NARS2: variants seen among roughly 807,000 people sequenced by gnomAD.
NARS2 encodes asparaginyl-tRNA synthetase 2, mitochondrial.
A neutral mutation model predicts 62.9 loss-of-function variants in NARS2; 60 were observed. The observed-to-expected ratio is 0.95, with a 90% CI of 0.77 to 1.18. NARS2 has a LOEUF of 1.18. Among genes scored for constraint, NARS2 ranks in the 50% most tolerant of loss-of-function variants. The pLI is 0.00. For missense variants in NARS2, 619 were observed against 576.4 expected (o/e 1.07, Z -0.76); for synonymous variants, 196 against 200.0 (o/e 0.98, Z 0.17).
chr11:78,478,761 G>A (rs577658959), intron 7 of NARS2, 78 bp from the exon 8 acceptor site: 27 of 730,190 alleles, frequency 3.7e-5, no homozygotes, highest in African/African-American at 2.2e-4. Context: ...AATAAGGACC[G>A]CATTCCAGGC....
In NARS2 at chr11:78,469,234, C is replaced by G; in HGVS notation, c.1026+13G>C. 6.3e-7 allele frequency: 1 copy of G among 1,580,232 alleles called. No homozygotes were observed. The highest frequency in any genetic ancestry group is 8.7e-7 in the Non-Finnish European group (1 of 1,149,354). On this transcript the variant is annotated intron_variant, in intron 10 of 13. Coordinates refer to ENST00000281038, the MANE Select transcript of NARS2 (RefSeq NM_024678.6). ...TTTCACACACACATATATACATACA[C>G]ACAAAATACTACCTCTGGGGTAAAG...
chr11:78,459,031 T>C (rs879309030), intron 11 of NARS2, among the ~76,000 whole-genome samples: 1 of 151,894 alleles, frequency 6.6e-6, no homozygotes, highest in African/African-American at 2.4e-5. Flanking sequence ...AATTCTCCTG[T>C]CTCAGCCTCC....
At chr11:78,537,738 C>T (rs765490919) in intron 5 of NARS2, among the ~76,000 whole-genome samples, 5 of 152,318 alleles carry the variant, frequency 3.3e-5, no homozygotes, top group East Asian at 3.9e-4. Flanking sequence ...TTCAAGGCGG[C>T]AGCAAGCCGT....
intron 11 of NARS2, among the ~76,000 whole-genome samples, chr11:78,455,229 C>T (rs1858116572): frequency 6.6e-6 from 1 of 152,202 alleles, no homozygotes; most frequent in Non-Finnish European, 1.5e-5. Context: ...ATAATTGTTC[C>T]TATCTTGTCT....
At chr11:78,509,960 C>T (rs191653685) in intron 6 of NARS2, among the ~76,000 whole-genome samples, 148 of 151,430 alleles carry the variant, frequency 9.8e-4, no homozygotes, top group African/African-American at 3.0e-3. Flanking sequence ...TCCATGGTAA[C>T]GACAAAGAAA....
chr11:78,502,527 A>G (rs1860319330), intron 6 of NARS2, among the ~76,000 whole-genome samples: 1 of 152,198 alleles, frequency 6.6e-6, no homozygotes, highest in Non-Finnish European at 1.5e-5. Flanking sequence ...CAACATATGA[A>G]TCCTAGGGGA....
At chr11:78,462,541 T>C (rs1015682923) in intron 11 of NARS2, among the ~76,000 whole-genome samples, 2 of 152,312 alleles carry the variant, frequency 1.3e-5, no homozygotes, top group African/African-American at 2.4e-5. Flanking sequence ...TAAAACAGTC[T>C]GCAGTCTAGA....
At chr11:78,547,664 C>T (rs1855934059) in intron 5 of NARS2, among the ~76,000 whole-genome samples, 2 of 152,014 alleles carry the variant, frequency 1.3e-5, no homozygotes, top group South Asian at 2.1e-4. Context: ...AAAACTCTGA[C>T]TCTACTAAAA....
intron 5 of NARS2, among the ~76,000 whole-genome samples, chr11:78,533,897 C>T (rs1403501212): frequency 1.3e-5 from 2 of 152,160 alleles, no homozygotes; most frequent in Non-Finnish European, 2.9e-5. Flanking sequence ...TTAAATCATA[C>T]AATATGTAGC....
chr11:78,569,512 C>T (rs1351201978), intron 2 of NARS2, among the ~76,000 whole-genome samples: 1 of 152,112 alleles, frequency 6.6e-6, no homozygotes, highest in East Asian at 1.9e-4. Context: ...AAGTGCCTTC[C>T]TAATAAACTA....
At chr11:78,458,552 T>G (rs1858257099) in intron 11 of NARS2, among the ~76,000 whole-genome samples, 1 of 152,184 alleles carries the variant, frequency 6.6e-6, no homozygotes, top group Non-Finnish European at 1.5e-5. Context: ...TCCTTTATGC[T>G]ATGTTGCTAC....
chr11:78,507,610 C>T (rs919127190), intron 6 of NARS2, among the ~76,000 whole-genome samples: 1 of 151,458 alleles, frequency 6.6e-6, no homozygotes, highest in Non-Finnish European at 1.5e-5. Flanking sequence ...AACTCCGCCT[C>T]CCGGGTTCAC....
rs772632763 is a variant in NARS2, at chr11:78,574,390, A to G, written c.99T>C (p.Ala33=). The G allele has an allele frequency of 3.1e-6, 5 of 1,614,166 alleles. No individual in the cohort carries two copies. The highest frequency in any genetic ancestry group is 3.4e-6 in the Non-Finnish European group (4 of 1,180,040). The part of the protein sequence containing the change: ...KPSAKLSVRD[A]LGAQNASGER... ...CCCCACTCGCGTTCTGAGCCCCGAG[A>G]GCGTCCCGCACGCTCAGTTTGGCTG... is the stretch of plus-strand genomic sequence containing the variant. Residue 33 remains alanine (A), a synonymous_variant, in exon 1 of 14, where the codon GCT becomes GCC. Coordinates refer to ENST00000281038, the MANE Select transcript of NARS2 (RefSeq NM_024678.6).
chr11:78,452,974 T>C (rs191315762), intron 11 of NARS2, among the ~76,000 whole-genome samples: 19 of 152,342 alleles, frequency 1.2e-4, no homozygotes, highest in Non-Finnish European at 1.5e-5. Flanking sequence ...AGTTACATAA[T>C]GAACAGGAAC....
chr11:78,562,544 GAA>G (rs1343463235), intron 4 of NARS2, among the ~76,000 whole-genome samples: 1 of 152,182 alleles, frequency 6.6e-6, no homozygotes, highest in Admixed American at 6.5e-5. Flanking sequence ...CACTGAGAAA[GAA>G]AGAGCAGAAT....
At chr11:78,448,343 C>T (rs1401309413) in intron 11 of NARS2, among the ~76,000 whole-genome samples, 1 of 142,818 alleles carries the variant, frequency 7.0e-6, no homozygotes, top group Admixed American at 7.2e-5. Flanking sequence ...TTGAGACGGA[C>T]TCTCGCTCTG....
chr11:78,488,154 T>C lies in NARS2; in HGVS notation c.822+4909A>G, dbSNP rs572919644. Among the ~76,000 whole-genome samples the C allele has an allele frequency of 3.3e-5, 5 of 152,056 alleles. No homozygotes were observed. The South Asian group carries it at 1.0e-3, about 32-fold the overall frequency. Reference sequence around the variant, plus strand: ...GGTTTTCAAGGTATGTGAATTGTGATTGGCAGAATAATATTTATCCCTCTG... The same window carrying C: ...GGTTTTCAAGGTATGTGAATTGTGACTGGCAGAATAATATTTATCCCTCTG... On this transcript the variant is annotated intron_variant, in intron 7 of 13. Coordinates refer to ENST00000281038, the MANE Select transcript of NARS2 (RefSeq NM_024678.6).
rs538723898 is a variant in NARS2 at position 78,488,200 on chromosome 11, A to G, written c.822+4863T>C. On this transcript the variant is annotated intron_variant, in intron 7 of 13. Coordinates refer to ENST00000281038, the MANE Select transcript of NARS2 (RefSeq NM_024678.6). ...CTCTGCCAAAGCTGTCCATGCTCCA[A>G]TCCCAGAACCAGTGAGTGTGTTAGC... is the stretch of plus-strand genomic sequence containing the variant. Among the ~76,000 whole-genome samples, 124 of 151,524 alleles carry G rather than the reference A, an allele frequency of 8.2e-4. 1 individual carries two copies. The highest frequency in any genetic ancestry group is 3.4e-3 in the Middle Eastern group (1 of 294).
At chr11:78,527,310 G>A (rs1440947588) in intron 6 of NARS2, among the ~76,000 whole-genome samples, 1 of 152,102 alleles carries the variant, frequency 6.6e-6, no homozygotes, top group East Asian at 1.9e-4. Flanking sequence ...AATTCATTTT[G>A]TATTTGAATG....
Sources: allele counts gnomAD v4.1 joint callset (sites outside exome capture counted in the v4.1 genomes callset), GRCh38; gene constraint gnomAD v4.1.1; transcripts MANE v1.5; gene names NCBI Gene and HGNC (gene_info 2026-07-23, HGNC 2026-07-21).